Variants in GALNT15 observed in about 807,000 individuals in gnomAD.
The protein encoded by GALNT15 is polypeptide N-acetylgalactosaminyltransferase 15.
GALNT15 carries 67 observed loss-of-function variants against 66.8 expected under a neutral mutation model. That is an observed-to-expected ratio of 1.00 (90% CI 0.82 to 1.23). GALNT15 has a LOEUF of 1.23. Ranked by LOEUF, GALNT15 falls within the 50% of genes most tolerant of loss-of-function variation. The probability of loss-of-function intolerance (pLI) is 0.00; values close to 1 mark genes in which losing one functional copy is unlikely to be tolerated. For missense variants in GALNT15, 827 were observed against 804.3 expected (o/e 1.03, Z -0.34); for synonymous variants, 313 against 311.5 (o/e 1.00, Z -0.05).
rs931695465 is a variant in GALNT15 at position 16,180,373 on chromosome 3, G to A, written c.539+4683G>A. Among the ~76,000 whole-genome samples, 1 of 152,218 alleles carries A rather than the reference G, an allele frequency of 6.6e-6. No homozygotes were observed. The highest frequency in any genetic ancestry group is 1.5e-5 in the Non-Finnish European group (1 of 68,030). ...CAGTCAAATTCAGCAGGTCAGGAGG[G>A]CAGCCTCAGATGCTCCATTTCTATC... is the stretch of plus-strand genomic sequence containing the variant. On this transcript the variant is annotated intron_variant, in intron 1 of 9. Transcript: ENST00000339732. The surrounding 1 kb of genome is among the most constrained non-coding windows in gnomAD (Gnocchi z 5.0).
rs151035454 is a variant in GALNT15, at chr3:16,219,427, C to T, written c.1417C>T (p.Arg473Cys). 1.7e-5 allele frequency: 27 copies of T among 1,614,012 alleles called. No homozygotes were observed. The highest frequency in any genetic ancestry group is 3.3e-5 in the Admixed American group (2 of 59,998). Residue 473 changes from arginine (R) to cysteine (C), a missense_variant, in exon 7 of 10, where the codon CGC becomes TGC. Coordinates refer to ENST00000339732, the MANE Select transcript of GALNT15 (RefSeq NM_054110.5). This position sits in a 1 kb window ranked among gnomAD's most constrained non-coding sequence, Gnocchi z 4.3. ...GGCTGAGAAGCCAGACTGCATGGAA[C>T]GCTTGCAGCTGCAAAGGAGACTGGG... ...SKAEKPDCME[R>C]LQLQRRLGCR...
At chr3:16,201,858 ACTGAAACCTGGTGGCTGG>A (rs1197145098) in intron 3 of GALNT15, among the ~76,000 whole-genome samples, 3 of 152,218 alleles carry the variant, frequency 2.0e-5, no homozygotes, top group African/African-American at 7.2e-5. Context: ...ACCCAGGAAA[ACTGAAACCTGGTGGCTGG>A]CCCACCTTGG....
intron 9 of GALNT15, among the ~76,000 whole-genome samples, chr3:16,223,119 T>C (rs2063965529): frequency 6.6e-6 from 1 of 152,142 alleles, no homozygotes; most frequent in Non-Finnish European, 1.5e-5. Flanking sequence ...TAGGAGCAAT[T>C]CAAAGTCCCT....
At chr3:16,192,214 C>G (rs1477202163) in intron 1 of GALNT15, among the ~76,000 whole-genome samples, 1 of 152,198 alleles carries the variant, frequency 6.6e-6, no homozygotes, top group Non-Finnish European at 1.5e-5. Context: ...CACACACGTG[C>G]ACATGTGTGT....
downstream of GALNT15, among the ~76,000 whole-genome samples, chr3:16,232,474 ATATATATATATAT>A (rs1559698334): frequency 1.9e-3 from 96 of 51,766 alleles, 1 homozygote; most frequent in Middle Eastern, 0.015. Context: ...AAATAAATAT[ATATATATATATAT>A]ATATATATAT....
At chr3:16,237,629 A>G in the GALNT15 span, among the ~76,000 whole-genome samples, 1 of 152,162 alleles carries the variant, frequency 6.6e-6, no homozygotes, top group South Asian at 2.1e-4. This position sits in a 1 kb window ranked among gnomAD's most constrained non-coding sequence, Gnocchi z 4.2. Flanking sequence ...AGGCCTATTG[A>G]CTTTTATCTT....
At chr3:16,178,945 C>G (rs1483448846) in intron 1 of GALNT15, among the ~76,000 whole-genome samples, 1 of 152,212 alleles carries the variant, frequency 6.6e-6, no homozygotes, top group Non-Finnish European at 1.5e-5. Flanking sequence ...AGTTCCTACA[C>G]CCAAATGCCC....
chr3:16,193,220 A>G lies in GALNT15; in HGVS notation c.540-2540A>G, dbSNP rs1232030881. On this transcript the variant is annotated intron_variant, in intron 1 of 9. Transcript: ENST00000339732. The surrounding 1 kb of genome is among the most constrained non-coding windows in gnomAD (Gnocchi z 4.7). Reference sequence around the variant, plus strand: ...GTGATAATTCTGTTGCAGAATAAACATTTTACTTTGGCTACCAGGGATCTC... The same window carrying G: ...GTGATAATTCTGTTGCAGAATAAACGTTTTACTTTGGCTACCAGGGATCTC... Among the ~76,000 whole-genome samples the G allele has an allele frequency of 6.6e-6, 1 of 152,218 alleles. No homozygotes were observed. Among genetic ancestry groups the G allele is most frequent in the African/African-American group, 2.4e-5 (1 of 41,462 alleles).
At position 16,230,125 on chromosome 3, in the gene GALNT15, T is replaced by C. The variant is rs1425982579; in HGVS notation, c.*2625T>C. On this transcript the variant is annotated 3_prime_UTR_variant, in exon 10 of 10. Transcript: ENST00000339732. The surrounding 1 kb of genome is among the most constrained non-coding windows in gnomAD (Gnocchi z 4.5). ...CTACCTGAATTTTGTGATTGGATTT[T>C]GTTGTTCGTTTTTTAAGATTGAATT... Among the ~76,000 whole-genome samples, 7 of 149,662 alleles carry C rather than the reference T, an allele frequency of 4.7e-5. No homozygotes were observed. Among genetic ancestry groups the C allele is most frequent in the Non-Finnish European group, 1.1e-4 (7 of 66,252 alleles).
chr3:16,195,714 T>TCGG lies in GALNT15; in HGVS notation c.540-46_540-45insCGG. ...CGAGTTAGAGGGTGTGGAGTGTTTC[T>TCGG]TGTGGCCTTCTCTTCCCCATGGCTC... is the stretch of plus-strand genomic sequence containing the variant. On this transcript the variant is annotated intron_variant, in intron 1 of 9. Transcript: ENST00000339732. The surrounding 1 kb of genome is among the most constrained non-coding windows in gnomAD (Gnocchi z 4.6). 1 of 1,570,874 alleles carries TCGG rather than the reference T, an allele frequency of 6.4e-7. No homozygotes were observed. Among genetic ancestry groups the TCGG allele is most frequent in the African/African-American group, 1.3e-5 (1 of 74,176 alleles).
intron 3 of GALNT15, among the ~76,000 whole-genome samples, chr3:16,201,468 A>G (rs1187395858): frequency 1.3e-5 from 2 of 152,310 alleles, no homozygotes; most frequent in Middle Eastern, 3.4e-3. Context: ...GGCGTGAGCC[A>G]CCGCGCCTGG....
At position 16,200,854 on chromosome 3, in the gene GALNT15, A is replaced by G; in HGVS notation, c.911+31A>G. 6.5e-7 allele frequency: 1 copy of G among 1,547,782 alleles called. No individual in the cohort carries two copies. The highest frequency in any genetic ancestry group is 2.3e-5 in the East Asian group (1 of 43,330). On this transcript the variant is annotated intron_variant, in intron 3 of 9. Coordinates refer to ENST00000339732, the MANE Select transcript of GALNT15 (RefSeq NM_054110.5). This position sits in a 1 kb window ranked among gnomAD's most constrained non-coding sequence, Gnocchi z 4.4. ...TTATTCCCTGGGCTTGCAAAGCAAG[A>G]CATGGAACTGGGAGAAACAGTCTAC...
chr3:16,244,996 G>A, the GALNT15 span, among the ~76,000 whole-genome samples: 1 of 152,118 alleles, frequency 6.6e-6, no homozygotes, highest in Non-Finnish European at 1.5e-5. Flanking sequence ...ATGCACCAGG[G>A]TTTTCTCTGA....
chr3:16,197,480 C>T (rs1166432101), intron 2 of GALNT15, among the ~76,000 whole-genome samples: 1 of 152,198 alleles, frequency 6.6e-6, no homozygotes, highest in African/African-American at 2.4e-5. Flanking sequence ...CCCAGACAAG[C>T]ACCACCCTGC....
chr3:16,185,784 T>C (rs2063510934), intron 1 of GALNT15, among the ~76,000 whole-genome samples: 1 of 134,060 alleles, frequency 7.5e-6, no homozygotes, highest in Non-Finnish European at 1.6e-5. Flanking sequence ...GATAGATAGA[T>C]AGATAGATGA....
In GALNT15 at chr3:16,209,955, A is replaced by G. The variant is rs2063795945; in HGVS notation, c.1080-1169A>G. Among the ~76,000 whole-genome samples, 1 of 152,232 alleles carries G rather than the reference A, an allele frequency of 6.6e-6. No homozygotes were observed. Among genetic ancestry groups the G allele is most frequent in the South Asian group, 2.1e-4 (1 of 4,836 alleles). On this transcript the variant is annotated intron_variant, in intron 4 of 9. Transcript: ENST00000339732. The surrounding 1 kb of genome is among the most constrained non-coding windows in gnomAD (Gnocchi z 4.1). ...ATGTGTGTTTCATCAAAGAAATATT[A>G]GTATATTTGACTAAAGAGTGCCGGG...
intron 3 of GALNT15, among the ~76,000 whole-genome samples, chr3:16,206,490 C>A (rs569933083): frequency 6.6e-6 from 1 of 151,430 alleles, no homozygotes; most frequent in Admixed American, 6.6e-5. Context: ...CTGGCTAACA[C>A]GGTGAAAACC....
intron 1 of GALNT15, among the ~76,000 whole-genome samples, chr3:16,194,109 C>T (rs1011577127): frequency 1.1e-4 from 17 of 152,242 alleles, no homozygotes; most frequent in African/African-American, 3.9e-4. Context: ...TTCAGCGCTG[C>T]CACTTGCCAG....
Position 16,175,710 on chromosome 3 carries a change from TC to T in GALNT15, c.539+23del. ...CCCACTGTAAGTAAGGCCCTTGTTT[TC>T]CCTTCCCTGATCCCAGGGCATGATC... On this transcript the variant is annotated intron_variant, in intron 1 of 9. Coordinates refer to ENST00000339732, the MANE Select transcript of GALNT15 (RefSeq NM_054110.5). This position sits in a 1 kb window ranked among gnomAD's most constrained non-coding sequence, Gnocchi z 5.6. The T allele has an allele frequency of 6.5e-7, 1 of 1,540,350 alleles. No homozygotes were observed. Among genetic ancestry groups the T allele is most frequent in the Non-Finnish European group, 8.7e-7 (1 of 1,144,418 alleles).
Sources: allele counts gnomAD v4.1 joint callset (sites outside exome capture counted in the v4.1 genomes callset), GRCh38; gene constraint gnomAD v4.1.1; non-coding constraint Gnocchi (gnomAD v3.1); transcripts MANE v1.5; gene names NCBI Gene and HGNC (gene_info 2026-07-23, HGNC 2026-07-21).